VWF: variants seen among roughly 807,000 people sequenced by gnomAD.
VWF encodes the protein Factor VIII related antigen.
Under a neutral mutation model 308.6 loss-of-function variants are expected in VWF, and 176 were observed. The observed-to-expected ratio is 0.57, with a 90% confidence interval of 0.50 to 0.65. The LOEUF (loss-of-function observed/expected upper bound fraction) is 0.65. Ranked by LOEUF, VWF falls within the 30% of genes least tolerant of loss-of-function variation. VWF has a pLI of 0.00. For synonymous variants in VWF, 1,385 were observed against 1,443.4 expected (o/e 0.96, Z 0.92); for missense variants, 3,146 against 3,648.2 (o/e 0.86, Z 3.55).
chr12:5,959,918 AAAG>A (rs1943293255), intron 47 of VWF, among the ~76,000 whole-genome samples: 1 of 151,332 alleles, frequency 6.6e-6, no homozygotes, highest in African/African-American at 2.4e-5. Context: ...GATGCTAGTA[AAAG>A]AAGAGCAAAT....
At chr12:5,966,464 T>C (rs957782504) in intron 47 of VWF, among the ~76,000 whole-genome samples, 3 of 152,196 alleles carry the variant, frequency 2.0e-5, no homozygotes, top group African/African-American at 7.2e-5. Flanking sequence ...ATCCGCTCCA[T>C]ACTTCTTTTA....
chr12:6,041,535 G>A (rs549714217), intron 18 of VWF, among the ~76,000 whole-genome samples: 88 of 151,636 alleles, frequency 5.8e-4, no homozygotes, highest in African/African-American at 2.0e-3. Flanking sequence ...TGCAACCTCC[G>A]CCTCCTGGGT....
intron 10 of VWF, among the ~76,000 whole-genome samples, chr12:6,069,390 C>T (rs1050137886): frequency 6.6e-6 from 1 of 152,162 alleles, no homozygotes. Context: ...TACCATTTCT[C>T]ACATGGCTGA....
At chr12:6,026,934 G>GA (rs1164969116) in intron 22 of VWF, among the ~76,000 whole-genome samples, 9 of 152,208 alleles carry the variant, frequency 5.9e-5, no homozygotes, top group Admixed American at 3.9e-4. Flanking sequence ...AAAAACTACA[G>GA]AAAAAACTGG....
chr12:6,113,222 G>A (rs944411714), intron 3 of VWF, among the ~76,000 whole-genome samples: 1 of 151,820 alleles, frequency 6.6e-6, no homozygotes, highest in Non-Finnish European at 1.5e-5. Flanking sequence ...ACCTTTAGAA[G>A]CTGAACAAAC....
chr12:6,064,150 T>G (rs1169119508), intron 12 of VWF, 96 bp downstream of exon 12: 1 of 1,586,958 alleles, frequency 6.3e-7, no homozygotes, highest in Non-Finnish European at 8.6e-7. Flanking sequence ...GGAAGAGGCA[T>G]GCAGGTCCTT....
intron 3 of VWF, among the ~76,000 whole-genome samples, chr12:6,117,393 T>C (rs1591928309): frequency 6.6e-6 from 1 of 152,248 alleles, no homozygotes; most frequent in East Asian, 1.9e-4. Flanking sequence ...GAAACTCAAG[T>C]GACCCTGACC....
intron 34 of VWF, among the ~76,000 whole-genome samples, chr12:6,003,256 A>C (rs1943891416): frequency 6.6e-6 from 1 of 152,244 alleles, no homozygotes; most frequent in African/African-American, 2.4e-5. Flanking sequence ...CTAATGCATT[A>C]AAATTTATAT....
intron 16 of VWF, among the ~76,000 whole-genome samples, chr12:6,052,178 G>A (rs1944522704): frequency 6.6e-6 from 1 of 152,206 alleles, no homozygotes; most frequent in South Asian, 2.1e-4. Context: ...CTGCTCAAAT[G>A]CTTCAGCTTG....
rs377196768 is a variant in VWF at position 6,075,554 on chromosome 12, G to T, written c.658-3C>A. On this transcript the variant is annotated splice_region_variant and splice_polypyrimidine_tract_variant and intron_variant, in intron 6 of 51. Coordinates refer to ENST00000261405, the MANE Select transcript of VWF (RefSeq NM_000552.5). The surrounding 1 kb of genome is among the most constrained non-coding windows in gnomAD (Gnocchi z 4.7). ...AGCTGGCACTGCTCCCACAGGCCCT[G>T]CAGGAAGAGGGGCCGCCTCAGCGGT... 8.8e-5 allele frequency: 142 copies of T among 1,612,800 alleles called. No individual in the cohort carries two copies. Among genetic ancestry groups the T allele is most frequent in the Non-Finnish European group, 1.1e-4 (130 of 1,179,454 alleles).
intron 5 of VWF, among the ~76,000 whole-genome samples, chr12:6,097,233 A>G (rs1945114228): frequency 6.6e-6 from 1 of 151,862 alleles, no homozygotes; most frequent in Admixed American, 6.6e-5. Context: ...TCAGGAGATC[A>G]AGACCATCCT....
chr12:6,092,620 T>TGAGAGAGA (rs1250915385), intron 6 of VWF, among the ~76,000 whole-genome samples: 39 of 89,698 alleles, frequency 4.3e-4, no homozygotes, highest in African/African-American at 1.3e-3. Context: ...TGAGTGAGAG[T>TGAGAGAGA]GTGTGTGTGT....
chr12:6,090,702 A>G (rs189639926), intron 6 of VWF, among the ~76,000 whole-genome samples: 95 of 152,004 alleles, frequency 6.2e-4, no homozygotes, highest in Non-Finnish European at 1.3e-3. Flanking sequence ...AACTCTATAC[A>G]TATTATCCCT....
Position 6,013,628 on chromosome 12 carries a change from T to A in VWF, c.5473A>T (p.Ile1825Phe). Residue 1825 changes from isoleucine (I) to phenylalanine (F), a missense_variant, in exon 32 of 52, where the codon ATT becomes TTT. Around this residue, in one of 3 missense-constraint regions of VWF, gnomAD observed 853 missense variants for 1,177.8 expected, o/e 0.72. Transcript: ENST00000261405. Reference protein sequence around the residue: ...ARSNRVTVFPIGIGDRYDAAQ... With the variant: ...ARSNRVTVFPFGIGDRYDAAQ... ...GCATCGTAGCGATCTCCAATTCCAA[T>A]AGGGAACACTGTCACTCCTAGAGTT... is the stretch of plus-strand genomic sequence containing the variant. The A allele has an allele frequency of 6.2e-7, 1 of 1,613,216 alleles. No individual in the cohort carries two copies. The highest frequency in any genetic ancestry group is 8.5e-7 in the Non-Finnish European group (1 of 1,179,848).
intron 15 of VWF, among the ~76,000 whole-genome samples, chr12:6,055,690 C>A (rs190135350): frequency 6.6e-6 from 1 of 151,354 alleles, no homozygotes; most frequent in African/African-American, 2.4e-5. Context: ...AATATAGATG[C>A]TAATTCCTTT....
intron 6 of VWF, among the ~76,000 whole-genome samples, chr12:6,088,167 G>A (rs1484887347): frequency 6.6e-6 from 1 of 152,184 alleles, no homozygotes; most frequent in Non-Finnish European, 1.5e-5. Context: ...GGCAGGTGGT[G>A]GTGAAGTTTC....
intron 18 of VWF, among the ~76,000 whole-genome samples, chr12:6,042,771 T>C (rs1307510932): frequency 6.6e-6 from 1 of 152,252 alleles, no homozygotes; most frequent in Non-Finnish European, 1.5e-5. Flanking sequence ...GGTCATAATA[T>C]AATTATTGTG....
At position 6,034,738 on chromosome 12, in the gene VWF, C is replaced by T. The variant is rs61748485; in HGVS notation, c.2635G>A (p.Asp879Asn). ...TIGMAHYLTF[D>N]GLKYLFPGEC... ...CCGGGGAACAGGTATTTGAGCCCGT[C>T]GAAGGTGAGGTAGTGGGCCATGCCG... Residue 879 changes from aspartate to asparagine, a missense_variant, in exon 20 of 52, where the codon GAC becomes AAC. Transcript: ENST00000261405. The T allele has an allele frequency of 9.9e-6, 16 of 1,614,030 alleles. No homozygotes were observed. In the Admixed American group the frequency reaches 2.3e-4, roughly 24 times the overall value.
At chr12:6,082,618 C>T (rs1443782386) in intron 6 of VWF, among the ~76,000 whole-genome samples, 1 of 152,270 alleles carries the variant, frequency 6.6e-6, no homozygotes, top group Non-Finnish European at 1.5e-5. Context: ...AAACTACGTT[C>T]TAATAAGGCA....
Sources: gnomAD v4.1 joint callset for allele counts (sites outside exome capture counted in the v4.1 genomes callset) on GRCh38, gnomAD v4.1.1 for gene constraint, gnomAD v4.1.1 regional missense constraint, Gnocchi (gnomAD v3.1) non-coding constraint, MANE v1.5 for transcripts, NCBI Gene and HGNC (gene_info 2026-07-23, HGNC 2026-07-21) for gene names.